The following NANOS3 variants were observed in gnomAD, a reference collection of about 807,000 sequenced individuals.
NANOS3 encodes the protein nanos homolog 3.
In NANOS3, 11 loss-of-function variants were observed where a neutral mutation model predicts 13.8. That is an observed-to-expected ratio of 0.80 (90% CI 0.50 to 1.32). The LOEUF is 1.32. Among genes scored for constraint, NANOS3 ranks in the 40% most tolerant of loss-of-function variants. The pLI, the probability that NANOS3 is intolerant of heterozygous loss-of-function variation, is 0.00. For synonymous variants in NANOS3, 119 were observed against 115.4 expected, an observed-to-expected ratio of 1.03 and a Z score of -0.20; for missense variants, 221 against 263.8, an observed-to-expected ratio of 0.84 and a Z score of 1.12.
upstream of NANOS3, chr19:13,874,596 T>A (rs1231793329): frequency 2.4e-6 from 1 of 417,490 alleles, no homozygotes; most frequent in African/African-American, 2.1e-5. Context: ...CTGAAAAGCG[T>A]TTGTTTATTT....
At chr19:13,871,915 G>T (rs1262416919) in intron 1 of NANOS3, among the ~76,000 whole-genome samples, 1 of 152,122 alleles carries the variant, frequency 6.6e-6, no homozygotes, top group Non-Finnish European at 1.5e-5. Flanking sequence ...GGGAGGATTG[G>T]TTGGGGCTGG....
At chr19:13,875,219 C>T (rs1332069232), upstream of NANOS3, among the ~76,000 whole-genome samples, 5 of 150,782 alleles carry the variant, frequency 3.3e-5, no homozygotes, top group Non-Finnish European at 7.4e-5. Context: ...CAGAGTCTCA[C>T]TCTGTTGCCT....
At chr19:13,869,580 G>T (rs556843040) in intron 1 of NANOS3, among the ~76,000 whole-genome samples, 2 of 152,108 alleles carry the variant, frequency 1.3e-5, no homozygotes, top group South Asian at 4.2e-4. Context: ...GCCCACGCAG[G>T]TATCACTGAA....
chr19:13,863,600 C>A (rs1483269905), upstream of NANOS3, among the ~76,000 whole-genome samples: 1 of 152,088 alleles, frequency 6.6e-6, no homozygotes, highest in Non-Finnish European at 1.5e-5. Flanking sequence ...CTGACTGGCC[C>A]CCCCCAACCC....
chr19:13,868,040 AT>A (rs879515050), intron 1 of NANOS3, among the ~76,000 whole-genome samples: 168 of 141,206 alleles, frequency 1.2e-3, no homozygotes, highest in Non-Finnish European at 1.2e-3. Context: ...ACCCAATAAT[AT>A]TTTTTTTTTT....
At chr19:13,866,886 CAT>C (rs1250893402) in intron 1 of NANOS3, among the ~76,000 whole-genome samples, 1 of 152,140 alleles carries the variant, frequency 6.6e-6, no homozygotes, top group Non-Finnish European at 1.5e-5. Context: ...CACACACACA[CAT>C]ACACACACAC....
At chr19:13,872,432 C>A (rs749311024), upstream of NANOS3, among the ~76,000 whole-genome samples, 1 of 152,004 alleles carries the variant, frequency 6.6e-6, no homozygotes, top group African/African-American at 2.4e-5. Context: ...TCCAGCCATC[C>A]TCCTGCCTCC....
At chr19:13,872,446 C>T (rs1976343088), upstream of NANOS3, among the ~76,000 whole-genome samples, 1 of 152,034 alleles carries the variant, frequency 6.6e-6, no homozygotes, top group Admixed American at 6.6e-5. Context: ...TGCCTCCCAA[C>T]TAGCTGGGAC....
intron 1 of NANOS3, among the ~76,000 whole-genome samples, chr19:13,879,580 T>C (rs1239330979): frequency 6.6e-6 from 1 of 151,906 alleles, no homozygotes; most frequent in African/African-American, 2.4e-5. Context: ...TACAAAAAAT[T>C]AGCTGGGCAT....
intron 1 of NANOS3, among the ~76,000 whole-genome samples, chr19:13,870,790 G>A (rs995187279): frequency 6.6e-6 from 1 of 151,528 alleles, no homozygotes; most frequent in Non-Finnish European, 1.5e-5. Flanking sequence ...ATGTTGGTTA[G>A]GCTGGTCTCG....
upstream of NANOS3, among the ~76,000 whole-genome samples, chr19:13,873,813 G>C (rs963371620): frequency 1.6e-4 from 25 of 152,126 alleles, no homozygotes; most frequent in African/African-American, 5.8e-4. Context: ...CCCAGGTCAG[G>C]GGCGAAGGCG....
upstream of NANOS3, chr19:13,874,700 G>A (rs201394123): frequency 2.0e-4 from 107 of 530,786 alleles, 2 homozygotes; most frequent in East Asian, 3.0e-3. Context: ...TCCAGGTCCC[G>A]GAAAATTTGC....
At position 13,877,480 on chromosome 19, in the gene NANOS3, T is replaced by A; in HGVS notation, c.232T>A (p.Ser78Thr). ...ESSPAPERLC[S>T]FCKHNGESRA... ...CTCGCCAGCTCCCGAACGCCTGTGC[T>A]CTTTCTGCAAACACAACGGCGAGTC... is the stretch of plus-strand genomic sequence containing the variant. Residue 78 changes from serine (S) to threonine (T), a missense_variant, in exon 1 of 2, where the codon TCT (serine) becomes ACT (threonine). Ser to Thr is a moderately conservative substitution (Grantham distance 58, BLOSUM62 1). This residue lies in a region of NANOS3 where 112 missense variants were observed against 116.3 expected (regional missense o/e 0.96). Transcript: ENST00000339133. The A allele has an allele frequency of 6.2e-7, 1 of 1,611,682 alleles. No homozygotes were observed. Among genetic ancestry groups the A allele is most frequent in the Non-Finnish European group, 8.5e-7 (1 of 1,179,982 alleles).
chr19:13,870,430 C>G (rs1976308747), intron 1 of NANOS3, among the ~76,000 whole-genome samples: 1 of 151,988 alleles, frequency 6.6e-6, no homozygotes, highest in African/African-American at 2.4e-5. Flanking sequence ...TCCATCCATC[C>G]ATCACTTGCT....
At chr19:13,880,337 T>C (rs1799291434) in intron 1 of NANOS3, 105 bp from the exon 2 acceptor site, 1 of 1,037,790 alleles carries the variant, frequency 9.6e-7, no homozygotes, top group Admixed American at 1.9e-5. Context: ...AGCCCCTGGG[T>C]GGCGCCAGAG....
intron 1 of NANOS3, among the ~76,000 whole-genome samples, chr19:13,870,374 C>T (rs1020163792): frequency 2.6e-5 from 4 of 151,930 alleles, no homozygotes; most frequent in African/African-American, 7.3e-5. Context: ...AGCCACCCGG[C>T]GCCCAGCCTT....
chr19:13,880,382 C>G, intron 1 of NANOS3, 60 bp from the exon 2 acceptor site: 2 of 1,550,360 alleles, frequency 1.3e-6, no homozygotes, highest in Non-Finnish European at 1.8e-6. Flanking sequence ...CCGTGGGCAA[C>G]TTGGGGAGCG....
upstream of NANOS3, among the ~76,000 whole-genome samples, chr19:13,874,381 A>T (rs60698372): frequency 6.6e-6 from 1 of 152,200 alleles, no homozygotes; most frequent in African/African-American, 2.4e-5. Context: ...TCGGACTAGC[A>T]GTGGCCTTTG....
chr19:13,866,787 C>G (rs1434492934), intron 1 of NANOS3, among the ~76,000 whole-genome samples: 1 of 152,112 alleles, frequency 6.6e-6, no homozygotes, highest in Non-Finnish European at 1.5e-5. Context: ...CCATCGTTCA[C>G]AATACCTGGG....
Sources: allele counts gnomAD v4.1 joint callset (sites outside exome capture counted in the v4.1 genomes callset), GRCh38; gene constraint gnomAD v4.1.1; regional missense constraint gnomAD v4.1.1; transcripts MANE v1.5; gene names NCBI Gene and HGNC (gene_info 2026-07-23, HGNC 2026-07-21).